Variants in TENM2 observed in about 807,000 individuals in gnomAD.
TENM2 encodes the protein teneurin transmembrane protein 2.
Under a neutral mutation model 245.2 loss-of-function variants are expected in TENM2, and 52 were observed. The ratio of observed to expected loss-of-function variants is 0.21; its 90% CI spans 0.17 to 0.27. The LOEUF (loss-of-function observed/expected upper bound fraction) is 0.27, where lower values mean the gene tolerates loss of function less well. Among genes scored for constraint, TENM2 ranks in the 10% least tolerant of loss-of-function variants. The pLI is 1.00. For missense variants in TENM2, 3,046 were observed against 3,666.8 expected, an observed-to-expected ratio of 0.83 and a Z score of 4.37; for synonymous variants, 1,363 against 1,438.9, an observed-to-expected ratio of 0.95 and a Z score of 1.19.
intron 2 of TENM2, among the ~76,000 whole-genome samples, chr5:167,834,673 G>A (rs559564782): frequency 7.6e-5 from 11 of 145,428 alleles, no homozygotes; most frequent in East Asian, 4.0e-4. Context: ...TTTTTGAGAC[G>A]GAGTCTCGCT....
chr5:167,454,799 TTTCAGGGACTA>T, intron 2 of TENM2, among the ~76,000 whole-genome samples: 1 of 152,314 alleles, frequency 6.6e-6, no homozygotes, highest in East Asian at 1.9e-4. Context: ...ACGGGCTTGG[TTTCAGGGACTA>T]TTCACCTCTG....
At chr5:168,150,599 T>C (rs1756561322) in intron 12 of TENM2, among the ~76,000 whole-genome samples, 1 of 152,234 alleles carries the variant, frequency 6.6e-6, no homozygotes, top group Non-Finnish European at 1.5e-5. Context: ...AAATGGCCAT[T>C]CAGTAATTCA....
intron 2 of TENM2, among the ~76,000 whole-genome samples, chr5:167,643,314 AAATTTGCCGTTTCTGG>A (rs1015520656): frequency 4.6e-5 from 7 of 152,088 alleles, no homozygotes; most frequent in African/African-American, 9.7e-5. Flanking sequence ...CTGTCTCTAT[AAATTTGCCGTTTCTGG>A]AATTTGCCGT....
chr5:168,031,090 T>C (rs540171121), intron 5 of TENM2, among the ~76,000 whole-genome samples: 1 of 152,332 alleles, frequency 6.6e-6, no homozygotes, highest in African/African-American at 2.4e-5. Context: ...GCATGAGGTA[T>C]GTGTACCAGG....
chr5:167,784,787 T>C (rs1764450487), intron 2 of TENM2, among the ~76,000 whole-genome samples: 1 of 152,228 alleles, frequency 6.6e-6, no homozygotes, highest in Non-Finnish European at 1.5e-5. Context: ...GAAAGATATA[T>C]CAAAATGTGT....
the TENM2 span, among the ~76,000 whole-genome samples, chr5:167,133,990 T>C: frequency 6.6e-6 from 1 of 152,202 alleles, no homozygotes; most frequent in South Asian, 2.1e-4. Context: ...TATAGAGTGT[T>C]CACAGCAGAC....
intron 9 of TENM2, among the ~76,000 whole-genome samples, chr5:168,110,431 C>T (rs1301359801): frequency 6.6e-6 from 1 of 152,144 alleles, no homozygotes; most frequent in Non-Finnish European, 1.5e-5. Context: ...GAATTCTTAT[C>T]CCACTTCAAA....
At chr5:167,807,154 AAAG>A (rs1317781129) in intron 2 of TENM2, among the ~76,000 whole-genome samples, 23 of 142,544 alleles carry the variant, frequency 1.6e-4, no homozygotes, top group East Asian at 7.2e-4. Context: ...AAAAAAAAAA[AAAG>A]AAGAAGAAGA....
the TENM2 span, among the ~76,000 whole-genome samples, chr5:167,044,537 G>A: frequency 6.6e-6 from 1 of 152,252 alleles, no homozygotes; most frequent in South Asian, 2.1e-4. Context: ...GTCCAATGTT[G>A]TTTAAGACCA....
At chr5:167,816,275 T>G (rs1767051520) in intron 2 of TENM2, among the ~76,000 whole-genome samples, 1 of 152,110 alleles carries the variant, frequency 6.6e-6, no homozygotes, top group Non-Finnish European at 1.5e-5. Context: ...TCTACCTGCT[T>G]CTTTCTTGGC....
intron 2 of TENM2, among the ~76,000 whole-genome samples, chr5:167,404,537 A>C (rs1762526901): frequency 1.3e-5 from 2 of 152,130 alleles, no homozygotes. Context: ...TTTTAACCAC[A>C]TTCATCAGTA....
intron 3 of TENM2, among the ~76,000 whole-genome samples, chr5:167,880,450 A>G (rs1450740342): frequency 6.6e-6 from 1 of 152,244 alleles, no homozygotes; most frequent in Non-Finnish European, 1.5e-5. Flanking sequence ...CTATTCCATT[A>G]TTTAAGATAG....
At chr5:168,177,420 A>G (rs1289516603) in intron 13 of TENM2, among the ~76,000 whole-genome samples, 1 of 152,250 alleles carries the variant, frequency 6.6e-6, no homozygotes, top group African/African-American at 2.4e-5. Context: ...AACTAGCCCA[A>G]GGCCACACAG....
At chr5:168,193,517 C>T (rs1056519360) in intron 14 of TENM2, among the ~76,000 whole-genome samples, 13 of 152,144 alleles carry the variant, frequency 8.5e-5, no homozygotes, top group African/African-American at 2.2e-4. Flanking sequence ...TGCCTGGAAA[C>T]GATAGGAAGC....
the TENM2 span, among the ~76,000 whole-genome samples, chr5:167,144,499 A>AT: frequency 2.5e-3 from 379 of 151,716 alleles, 5 homozygotes; most frequent in East Asian, 0.039. Context: ...TTTGCCTTTA[A>AT]TTTTTTTTTC....
intron 2 of TENM2, among the ~76,000 whole-genome samples, chr5:167,524,614 G>A (rs1770982951): frequency 6.6e-6 from 1 of 151,894 alleles, no homozygotes; most frequent in Non-Finnish European, 1.5e-5. Flanking sequence ...GAGCTCCCAA[G>A]TAAGGCTGGT....
the TENM2 span, among the ~76,000 whole-genome samples, chr5:167,113,330 G>T: frequency 6.6e-6 from 1 of 152,126 alleles, no homozygotes; most frequent in Non-Finnish European, 1.5e-5. Flanking sequence ...TGAAGGCTTA[G>T]GCGATTCATG....
chr5:167,211,724 C>G, the TENM2 span, among the ~76,000 whole-genome samples: 1 of 152,112 alleles, frequency 6.6e-6, no homozygotes, highest in East Asian at 1.9e-4. Context: ...CAGGCATTGA[C>G]TGACTGATCA....
intron 7 of TENM2, among the ~76,000 whole-genome samples, chr5:168,079,607 A>G (rs576572685): frequency 2.3e-4 from 35 of 152,326 alleles, no homozygotes; most frequent in African/African-American, 7.5e-4. Flanking sequence ...ACATCCCATC[A>G]ATACCTAGTT....
Sources: allele counts gnomAD v4.1 joint callset (sites outside exome capture counted in the v4.1 genomes callset), GRCh38; gene constraint gnomAD v4.1.1; transcripts MANE v1.5; gene names NCBI Gene and HGNC (gene_info 2026-07-23, HGNC 2026-07-21).